Variants in XXYLT1 observed in about 807,000 individuals in gnomAD.
The protein encoded by XXYLT1 is UDP-xylose:alpha-xyloside alpha-1,3-xylosyltransferase.
Under a neutral mutation model 28.9 loss-of-function variants are expected in XXYLT1, and 20 were observed. The ratio of observed to expected loss-of-function variants is 0.69; its 90% CI spans 0.49 to 1.00. XXYLT1 has a LOEUF of 1.00. Ranked by LOEUF, XXYLT1 falls within the 50% of genes least tolerant of loss-of-function variation. The probability of loss-of-function intolerance (pLI) is 0.00; values close to 1 mark genes in which losing one functional copy is unlikely to be tolerated. For synonymous variants in XXYLT1, 257 were observed against 253.8 expected, an observed-to-expected ratio of 1.01 and a Z score of -0.12; for missense variants, 542 against 560.1, an observed-to-expected ratio of 0.97 and a Z score of 0.33.
chr3:195,177,276 G>T (rs890697756), intron 2 of XXYLT1, among the ~76,000 whole-genome samples: 3 of 152,180 alleles, frequency 2.0e-5, no homozygotes, highest in Non-Finnish European at 2.9e-5. Context: ...ACAGAGGTAT[G>T]GACTGTATCT....
At chr3:195,181,259 G>A (rs1194756819) in intron 2 of XXYLT1, among the ~76,000 whole-genome samples, 1 of 118,892 alleles carries the variant, frequency 8.4e-6, no homozygotes, top group Non-Finnish European at 1.7e-5. Context: ...CACTGGCTGT[G>A]TATCTGCGTG....
intron 3 of XXYLT1, chr3:195,134,619 T>C (rs1719071515): frequency 6.4e-6 from 1 of 155,882 alleles, no homozygotes; most frequent in Admixed American, 6.5e-5. Flanking sequence ...CACATTTGTG[T>C]TCCCAGCAGC....
intron 1 of XXYLT1, among the ~76,000 whole-genome samples, chr3:195,228,915 T>A (rs893287519): frequency 2.6e-5 from 4 of 151,484 alleles, no homozygotes; most frequent in African/African-American, 9.7e-5. Flanking sequence ...CAGGTTCAAG[T>A]GATTCTCCTG....
At chr3:195,151,380 AATTAGT>A (rs1335924916) in intron 3 of XXYLT1, among the ~76,000 whole-genome samples, 1 of 151,724 alleles carries the variant, frequency 6.6e-6, no homozygotes. Context: ...ATAACACAAA[AATTAGT>A]CAGGAGTGGT....
At chr3:195,233,292 G>C (rs1724381537) in intron 1 of XXYLT1, among the ~76,000 whole-genome samples, 1 of 152,006 alleles carries the variant, frequency 6.6e-6, no homozygotes, top group African/African-American at 2.4e-5. Flanking sequence ...GTAGGCAATA[G>C]ATCATTGGGT....
rs1266236657 is a variant in XXYLT1, at chr3:195,257,973, C to A, written c.504+12582G>T. On this transcript the variant is annotated intron_variant, in intron 1 of 3. Coordinates refer to ENST00000310380, the MANE Select transcript of XXYLT1 (RefSeq NM_152531.5). This position sits in a 1 kb window ranked among gnomAD's most constrained non-coding sequence, Gnocchi z 4.3. ...TCCTCGACCCTGTGTCTTCCTACCC[C>A]CTAGACAGCAGGTGGCCAAGGGTGC... 4.6e-5 allele frequency among the ~76,000 whole-genome samples: 7 copies of A among 152,158 alleles called. No individual in the cohort carries two copies. The East Asian group carries it at 1.3e-3, about 29-fold the overall frequency.
At chr3:195,106,291 C>CTCTTGTTGTGTTTTTGAT (rs1560097354) in intron 3 of XXYLT1, among the ~76,000 whole-genome samples, 3,007 of 148,232 alleles carry the variant, frequency 0.02, 162 homozygotes, top group African/African-American at 0.033. Flanking sequence ...GTGTTTTTGA[C>CTCTTGTTGTGTTTTTGAT]GGAGAGATGC....
intron 1 of XXYLT1, among the ~76,000 whole-genome samples, chr3:195,260,942 G>C (rs78131804): frequency 6.6e-6 from 1 of 152,212 alleles, no homozygotes; most frequent in Non-Finnish European, 1.5e-5. Context: ...GCGGATGACA[G>C]ATTGTCAGGT....
At chr3:195,203,349 GAAAGA>G (rs1485275942) in intron 2 of XXYLT1, among the ~76,000 whole-genome samples, 3 of 152,060 alleles carry the variant, frequency 2.0e-5, no homozygotes, top group African/African-American at 4.8e-5. Context: ...CAAAAGAAAG[GAAAGA>G]AAACTTAATA....
At chr3:195,200,525 G>A (rs944396475) in intron 2 of XXYLT1, among the ~76,000 whole-genome samples, 1 of 152,192 alleles carries the variant, frequency 6.6e-6, no homozygotes, top group Non-Finnish European at 1.5e-5. Flanking sequence ...CATGCAACAG[G>A]ACATAGCACT....
intron 3 of XXYLT1, among the ~76,000 whole-genome samples, chr3:195,090,773 C>A (rs1185326190): frequency 6.8e-6 from 1 of 146,116 alleles, no homozygotes; most frequent in East Asian, 2.1e-4. Context: ...AATTGATAGA[C>A]CACTAGCAAG....
intron 1 of XXYLT1, among the ~76,000 whole-genome samples, chr3:195,266,839 TC>T (rs1235617768): frequency 1.3e-5 from 2 of 152,178 alleles, no homozygotes; most frequent in African/African-American, 2.4e-5. Flanking sequence ...TTCTGTATTT[TC>T]AAGTGTCCCC....
At chr3:195,222,667 A>AC (rs1723879644) in intron 2 of XXYLT1, among the ~76,000 whole-genome samples, 2 of 152,290 alleles carry the variant, frequency 1.3e-5, no homozygotes, top group South Asian at 4.1e-4. Flanking sequence ...GAGAAAGTGA[A>AC]CGGAGGTTCA....
chr3:195,240,861 G>A lies in XXYLT1; in HGVS notation c.505-14005C>T, dbSNP rs1164294860. Among the ~76,000 whole-genome samples the A allele has an allele frequency of 1.3e-5, 2 of 152,244 alleles. No homozygotes were observed. The highest frequency in any genetic ancestry group is 1.3e-4 in the Admixed American group (2 of 15,292). ...GGATCGCTTGAACCTGGGAGGCGGAGGTTGCAGTGAGCTGAGATTGTGCCA... is the reference window on the plus strand; with the variant it reads ...GGATCGCTTGAACCTGGGAGGCGGAAGTTGCAGTGAGCTGAGATTGTGCCA... On this transcript the variant is annotated intron_variant, in intron 1 of 3. Transcript: ENST00000310380. This position sits in a 1 kb window ranked among gnomAD's most constrained non-coding sequence, Gnocchi z 4.7.
At chr3:195,248,605 C>T (rs985133566) in intron 1 of XXYLT1, among the ~76,000 whole-genome samples, 1 of 152,226 alleles carries the variant, frequency 6.6e-6, no homozygotes, top group African/African-American at 2.4e-5. Context: ...CCACATGGAA[C>T]TGTAAGTCCA....
chr3:195,202,034 A>T (rs867699800), intron 2 of XXYLT1, among the ~76,000 whole-genome samples: 2 of 152,038 alleles, frequency 1.3e-5, no homozygotes, highest in East Asian at 3.9e-4. Flanking sequence ...AAAATTAGCC[A>T]GGTGTGGTGG....
intron 3 of XXYLT1, among the ~76,000 whole-genome samples, chr3:195,132,914 T>C (rs1176487435): frequency 1.3e-5 from 2 of 152,274 alleles, no homozygotes; most frequent in African/African-American, 4.8e-5. Context: ...ATTTGCTTAA[T>C]TCCATGCACA....
intron 3 of XXYLT1, chr3:195,093,744 TG>T (rs1716250716): frequency 2.0e-5 from 3 of 152,182 alleles, no homozygotes; most frequent in Non-Finnish European, 2.9e-5. Context: ...AGCCATTACC[TG>T]GGGAAAGTAA....
intron 3 of XXYLT1, among the ~76,000 whole-genome samples, chr3:195,107,335 A>G (rs1421120820): frequency 6.6e-6 from 1 of 150,962 alleles, no homozygotes; most frequent in African/African-American, 2.4e-5. Flanking sequence ...TTAGCCGGGC[A>G]TGGTGGCGGG....
Sources: allele counts gnomAD v4.1 joint callset (sites outside exome capture counted in the v4.1 genomes callset), GRCh38; gene constraint gnomAD v4.1.1; non-coding constraint Gnocchi (gnomAD v3.1); transcripts MANE v1.5; gene names NCBI Gene and HGNC (gene_info 2026-07-23, HGNC 2026-07-21).